CD36: variants seen among roughly 807,000 people sequenced by gnomAD.
CD36 encodes CD36 molecule (CD36 blood group).
CD36 carries 119 observed loss-of-function variants against 55.2 expected under a neutral mutation model. The ratio of observed to expected loss-of-function variants is 2.15; its 90% CI spans 1.86 to 2.51. The LOEUF (loss-of-function observed/expected upper bound fraction) is 2.51. CD36 is among the 30% of genes most tolerant of loss of function. The pLI, the probability that CD36 is intolerant of heterozygous loss-of-function variation, is 0.00. For synonymous variants in CD36, 186 were observed against 193.6 expected (o/e 0.96, Z 0.33); for missense variants, 819 against 555.5 (o/e 1.47, Z -4.77).
chr7:80,653,767 T>A (rs1406410883), intron 3 of CD36, among the ~76,000 whole-genome samples: 1 of 152,214 alleles, frequency 6.6e-6, no homozygotes, highest in Admixed American at 6.5e-5. Flanking sequence ...ACATATTTAG[T>A]CTTGGTATTC....
In CD36 at chr7:80,619,860, C is replaced by T. The variant is rs182276013; in HGVS notation, c.-184+17481C>T. 3.6e-3 allele frequency among the ~76,000 whole-genome samples: 543 copies of T among 151,986 alleles called. 4 individuals are homozygous for T. The highest frequency in any genetic ancestry group is 0.012 in the African/African-American group (488 of 41,432). ...AACCATCATGGATGACTGAGGGTTA[C>T]AAGACTTCAGAGAAGGAAATAACTA... On this transcript the variant is annotated intron_variant, in intron 1 of 13. Transcript: ENST00000309881.
chr7:80,648,907 A>G (rs1028483775), intron 3 of CD36, among the ~76,000 whole-genome samples: 1 of 152,118 alleles, frequency 6.6e-6, no homozygotes, highest in Admixed American at 6.6e-5. Flanking sequence ...GATGGAAGGA[A>G]GAAGGTAGAG....
chr7:80,645,132 T>C (rs1334597838), intron 1 of CD36, among the ~76,000 whole-genome samples: 1 of 151,498 alleles, frequency 6.6e-6, no homozygotes, highest in African/African-American at 2.4e-5. Context: ...GCGATTCTCC[T>C]GCCTCAGCCT....
At chr7:80,625,138 A>C (rs187819855) in intron 1 of CD36, 1 of 152,268 alleles carries the variant, frequency 6.6e-6, no homozygotes, top group Admixed American at 6.5e-5. Context: ...ATTAGCCATT[A>C]AAGACAGTTT....
At chr7:80,645,167 T>C (rs1050747876) in intron 1 of CD36, among the ~76,000 whole-genome samples, 1 of 151,634 alleles carries the variant, frequency 6.6e-6, no homozygotes, top group East Asian at 2.0e-4. Context: ...ATTACAAGCA[T>C]GTGCCACCAA....
chr7:80,663,057 A>T lies in CD36; in HGVS notation c.497A>T (p.Lys166Ile). ...CTCAATTCACTTATTAACAAGTCAAAATCTTCTATGTTCCAAGTCAGAACT... is the reference window on the plus strand; with the variant it reads ...CTCAATTCACTTATTAACAAGTCAATATCTTCTATGTTCCAAGTCAGAACT... ...MILNSLINKS[K>I]SSMFQVRTLR... The change falls in exon 6 of 15, where the codon AAA becomes ATA. Residue 166 changes from lysine to isoleucine, a missense_variant. By Grantham distance (102) the Lys-to-Ile change is moderately radical (BLOSUM62 -3). Coordinates refer to ENST00000447544, the MANE Select transcript of CD36 (RefSeq NM_001001548.3). The T allele has an allele frequency of 6.2e-7, 1 of 1,613,458 alleles. No individual in the cohort carries two copies. The highest frequency in any genetic ancestry group is 1.3e-5 in the African/African-American group (1 of 75,012).
chr7:80,673,784 A>AGTACATTGAAGAGTACCGTACT (rs1797967486), intron 13 of CD36, 199 bp from the exon 14 acceptor site: 1 of 606,162 alleles, frequency 1.6e-6, no homozygotes, highest in East Asian at 2.8e-5. Flanking sequence ...AATGAATCCT[A>AGTACATTGAAGAGTACCGTACT]GTACATTGAA....
intron 1 of CD36, among the ~76,000 whole-genome samples, chr7:80,626,531 T>C (rs1372073739): frequency 6.6e-6 from 1 of 152,082 alleles, no homozygotes; most frequent in Non-Finnish European, 1.5e-5. Context: ...ATAAAAATGG[T>C]CTGCAAATTT....
intron 13 of CD36, chr7:80,673,696 G>A: frequency 3.6e-6 from 2 of 557,490 alleles, no homozygotes; most frequent in Non-Finnish European, 3.2e-6. Flanking sequence ...TGCATTGATA[G>A]CTATAAAAAT....
At chr7:80,665,371 A>C (rs1796975063) in intron 7 of CD36, among the ~76,000 whole-genome samples, 1 of 152,148 alleles carries the variant, frequency 6.6e-6, no homozygotes, top group Admixed American at 6.6e-5. Context: ...GATCAAAACC[A>C]AAAGAGATGA....
At chr7:80,638,157 C>T (rs149081492), upstream of CD36, among the ~76,000 whole-genome samples, 65 of 151,850 alleles carry the variant, frequency 4.3e-4, no homozygotes, top group African/African-American at 1.5e-3. Context: ...CAATTGTTTT[C>T]AGAATTATTA....
At chr7:80,654,669 T>C (rs1490872563) in intron 3 of CD36, among the ~76,000 whole-genome samples, 1 of 152,136 alleles carries the variant, frequency 6.6e-6, no homozygotes, top group Non-Finnish European at 1.5e-5. Context: ...CAATTTGTTG[T>C]AAAAAGTAAT....
chr7:80,661,231 G>A, intron 5 of CD36, 21 bp downstream of exon 5: 3 of 1,608,588 alleles, frequency 1.9e-6, no homozygotes, highest in African/African-American at 2.7e-5. Flanking sequence ...AAACAACAAA[G>A]TTATCTATTT....
rs754681315 is a variant in CD36 at position 80,671,170 on chromosome 7, T to A, written c.1006+6T>A. The A allele has an allele frequency of 6.3e-6, 10 of 1,577,176 alleles. No homozygotes were observed. In the African/African-American group the frequency reaches 8.1e-5, roughly 13 times the overall value. ...CATCAGCAAATGCAAAGAAGGTGAG[T>A]AAATAACCTCAGTAGCACAGTCCAT... On this transcript the variant is annotated splice_donor_region_variant and intron_variant, in intron 10 of 14. Transcript: ENST00000447544.
At chr7:80,627,827 C>A (rs1409770688) in intron 1 of CD36, among the ~76,000 whole-genome samples, 2 of 151,980 alleles carry the variant, frequency 1.3e-5, no homozygotes, top group Non-Finnish European at 2.9e-5. Context: ...TACATTGCAT[C>A]ATTTAAAATA....
At chr7:80,640,685 T>C (rs1164892679) in intron 1 of CD36, among the ~76,000 whole-genome samples, 1 of 152,032 alleles carries the variant, frequency 6.6e-6, no homozygotes, top group African/African-American at 2.4e-5. Context: ...TAGATAATAC[T>C]CTTTAAGTCA....
At chr7:80,616,461 AC>A (rs1793164334) in intron 1 of CD36, among the ~76,000 whole-genome samples, 2 of 150,756 alleles carry the variant, frequency 1.3e-5, no homozygotes, top group Non-Finnish European at 3.0e-5. Flanking sequence ...CTGCACGCAC[AC>A]ACACACACAC....
At chr7:80,629,903 T>C (rs964804118) in intron 1 of CD36, among the ~76,000 whole-genome samples, 1 of 151,842 alleles carries the variant, frequency 6.6e-6, no homozygotes, top group African/African-American at 2.4e-5. Context: ...GTAGCCTTTT[T>C]TTTTTTTTGG....
Position 80,670,969 on chromosome 7 carries a change from G to A in CD36, c.819-8G>A, listed in dbSNP as rs769908351. Reference sequence around the variant, plus strand: ...CCTGGAATGCAGCTCTTTTTTCTCTGTATTTAGGTCAATCTATGCTGTATT... The same window carrying A: ...CCTGGAATGCAGCTCTTTTTTCTCTATATTTAGGTCAATCTATGCTGTATT... On this transcript the variant is annotated splice_polypyrimidine_tract_variant and splice_region_variant and intron_variant, in intron 9 of 14. Coordinates refer to ENST00000447544, the MANE Select transcript of CD36 (RefSeq NM_001001548.3). 6.9e-6 allele frequency: 11 copies of A among 1,603,802 alleles called. No individual in the cohort carries two copies. In the Admixed American group the frequency reaches 1.8e-4, roughly 27 times the overall value.
Sources: allele counts gnomAD v4.1 joint callset (sites outside exome capture counted in the v4.1 genomes callset), GRCh38; gene constraint gnomAD v4.1.1; transcripts MANE v1.5; gene names NCBI Gene and HGNC (gene_info 2026-07-23, HGNC 2026-07-21).